INTS7: variants seen among roughly 807,000 people sequenced by gnomAD.
INTS7 encodes chromosome 1 open reading frame 73.
In INTS7, 46 loss-of-function variants were observed where a neutral mutation model predicts 109.2. That is an observed-to-expected ratio of 0.42 (90% CI 0.33 to 0.54). The LOEUF is 0.54. INTS7 is among the 20% of genes least tolerant of loss of function. The pLI, the probability that INTS7 is intolerant of heterozygous loss-of-function variation, is 0.07. For synonymous variants in INTS7, 412 were observed against 402.9 expected, an observed-to-expected ratio of 1.02 and a Z score of -0.27; for missense variants, 929 against 1,132.4, an observed-to-expected ratio of 0.82 and a Z score of 2.58.
chr1:212,009,195 A>ACTC lies in INTS7; in HGVS notation c.557-1749_557-1747dup, dbSNP rs561995443. On this transcript the variant is annotated intron_variant, in intron 5 of 19. Transcript: ENST00000366994. The stretch of plus-strand genomic sequence containing the variant: ...TAGGTTCCAATTTTCCTCCACCCAC[A>ACTC]CTCCTATGTTTTCCTCTGCCTCTCT... Among the ~76,000 whole-genome samples the ACTC allele has an allele frequency of 8.6e-5, 13 of 150,984 alleles. No homozygotes were observed. The South Asian group carries it at 2.5e-3, about 29-fold the overall frequency.
Position 212,011,430 on chromosome 1 carries a change from A to G in INTS7, c.510-9T>C. 6.4e-7 allele frequency: 1 copy of G among 1,567,092 alleles called. No homozygotes were observed. Among genetic ancestry groups the G allele is most frequent in the South Asian group, 1.1e-5 (1 of 87,454 alleles). On this transcript the variant is annotated splice_polypyrimidine_tract_variant and intron_variant, in intron 4 of 19. Coordinates refer to ENST00000366994, the MANE Select transcript of INTS7 (RefSeq NM_015434.4). ...TTCCTACAGCAAAATCCCTTTGGAA[A>G]AAGAGAACAGAGAACAGAAAAAACT... is the stretch of plus-strand genomic sequence containing the variant.
chr1:211,965,487 C>A (rs1663831734), intron 16 of INTS7, among the ~76,000 whole-genome samples: 1 of 152,164 alleles, frequency 6.6e-6, no homozygotes, highest in Admixed American at 6.6e-5. Flanking sequence ...ATCATAAAGA[C>A]ACAGGCACAC....
At chr1:211,999,757 A>C (rs1049876394) in intron 7 of INTS7, among the ~76,000 whole-genome samples, 2 of 152,206 alleles carry the variant, frequency 1.3e-5, no homozygotes, top group African/African-American at 4.8e-5. Flanking sequence ...GAATATACCA[A>C]GGATTTGAAA....
chr1:211,979,966 C>T (rs1664583662), intron 10 of INTS7, among the ~76,000 whole-genome samples: 2 of 152,160 alleles, frequency 1.3e-5, no homozygotes, highest in South Asian at 4.1e-4. Flanking sequence ...ATATAAACAT[C>T]AGTAGCCTAT....
At chr1:212,000,212 CTCTT>C (rs1299992114) in intron 7 of INTS7, among the ~76,000 whole-genome samples, 1 of 152,062 alleles carries the variant, frequency 6.6e-6, no homozygotes, top group East Asian at 1.9e-4. Context: ...GTTATAAAGA[CTCTT>C]TATGCTGATA....
intron 7 of INTS7, among the ~76,000 whole-genome samples, chr1:211,989,339 A>G (rs990357137): frequency 6.6e-6 from 1 of 152,042 alleles, no homozygotes; most frequent in Admixed American, 6.5e-5. Context: ...AACTACAAAG[A>G]CAATTAACCA....
At chr1:212,021,040 T>A in intron 2 of INTS7, 43 bp downstream of exon 2, 1 of 1,546,170 alleles carries the variant, frequency 6.5e-7, no homozygotes, top group Non-Finnish European at 8.7e-7. Context: ...ACAAGAAATA[T>A]GAACAAAGTA....
intron 1 of INTS7, among the ~76,000 whole-genome samples, chr1:212,030,575 C>T (rs1279370064): frequency 6.6e-6 from 1 of 152,170 alleles, no homozygotes; most frequent in Admixed American, 6.5e-5. Context: ...AGGTGTGAGT[C>T]ACTGCGCCCG....
chr1:211,966,620 C>G (rs1663892775), intron 15 of INTS7, 122 bp from the exon 16 acceptor site: 1 of 637,850 alleles, frequency 1.6e-6, no homozygotes, highest in Non-Finnish European at 2.8e-6. Flanking sequence ...ATAATGTTAT[C>G]AACTCGAATG....
chr1:211,993,968 T>C (rs1248853105), intron 7 of INTS7, among the ~76,000 whole-genome samples: 1 of 152,124 alleles, frequency 6.6e-6, no homozygotes. Context: ...CTGAAAATTA[T>C]AATACTAACC....
At chr1:212,004,323 CAG>C (rs368688348) in intron 7 of INTS7, among the ~76,000 whole-genome samples, 267 of 152,190 alleles carry the variant, frequency 1.8e-3, no homozygotes, top group African/African-American at 6.1e-3. Context: ...GCCTGGGTGA[CAG>C]AGCAAAATTC....
intron 1 of INTS7, among the ~76,000 whole-genome samples, chr1:212,028,586 T>C (rs1667028904): frequency 6.6e-6 from 1 of 152,046 alleles, no homozygotes; most frequent in Non-Finnish European, 1.5e-5. Context: ...AGAAAGTAAA[T>C]GCAGTTAATA....
At chr1:211,974,287 A>G (rs1319519846) in intron 13 of INTS7, among the ~76,000 whole-genome samples, 1 of 100,658 alleles carries the variant, frequency 9.9e-6, no homozygotes, top group Admixed American at 9.6e-5. Flanking sequence ...ATATATATAT[A>G]TATATATATA....
At chr1:211,974,602 T>A (rs897514442) in intron 13 of INTS7, among the ~76,000 whole-genome samples, 1 of 152,242 alleles carries the variant, frequency 6.6e-6, no homozygotes, top group Admixed American at 6.5e-5. Context: ...TTTTAGGGAA[T>A]AGGTTCCTAC....
At chr1:211,990,566 T>C (rs955370997) in intron 7 of INTS7, among the ~76,000 whole-genome samples, 1 of 152,194 alleles carries the variant, frequency 6.6e-6, no homozygotes, top group African/African-American at 2.4e-5. Context: ...GAATACTTTT[T>C]TGACTGAAAG....
At chr1:211,987,379 T>G (rs1481957099) in intron 8 of INTS7, among the ~76,000 whole-genome samples, 1 of 152,084 alleles carries the variant, frequency 6.6e-6, no homozygotes, top group Non-Finnish European at 1.5e-5. Context: ...AGCAAGCTCC[T>G]TACCGGGCAT....
intron 16 of INTS7, among the ~76,000 whole-genome samples, chr1:211,954,117 T>C (rs1308490800): frequency 6.6e-6 from 1 of 152,208 alleles, no homozygotes; most frequent in African/African-American, 2.4e-5. Context: ...TGGTATCTCA[T>C]TGTGGTTTTG....
chr1:212,015,960 T>C (rs1422156644), intron 4 of INTS7, among the ~76,000 whole-genome samples: 2 of 152,058 alleles, frequency 1.3e-5, no homozygotes, highest in African/African-American at 2.4e-5. Context: ...ATCTGTTACA[T>C]TATATAAGCT....
chr1:212,014,769 T>C (rs1461537405), intron 4 of INTS7, among the ~76,000 whole-genome samples: 2 of 152,150 alleles, frequency 1.3e-5, no homozygotes, highest in Admixed American at 6.5e-5. Flanking sequence ...GGTCTCCAGC[T>C]CCTGACCGCG....
Sources: allele counts gnomAD v4.1 joint callset (sites outside exome capture counted in the v4.1 genomes callset), GRCh38; gene constraint gnomAD v4.1.1; transcripts MANE v1.5; gene names NCBI Gene and HGNC (gene_info 2026-07-23, HGNC 2026-07-21).